Variants in CORIN observed in about 807,000 individuals in gnomAD.
CORIN encodes the protein atrial natriuretic peptide-converting enzyme.
Under a neutral mutation model 125.3 loss-of-function variants are expected in CORIN, and 117 were observed. The ratio of observed to expected loss-of-function variants is 0.93; its 90% confidence interval spans 0.80 to 1.09. The LOEUF (loss-of-function observed/expected upper bound fraction) is 1.09. CORIN is among the 50% of genes least tolerant of loss of function. The pLI is 0.00. For missense variants in CORIN, 1,253 were observed against 1,306.7 expected, an observed-to-expected ratio of 0.96 and a Z score of 0.63; for synonymous variants, 450 against 466.4, an observed-to-expected ratio of 0.96 and a Z score of 0.45.
At chr4:47,642,130 T>G in intron 15 of CORIN, 81 bp from the exon 16 acceptor site, 1 of 1,403,564 alleles carries the variant, frequency 7.1e-7, no homozygotes, top group Non-Finnish European at 9.9e-7. Context: ...TGCCTCTGCT[T>G]CATTGGCATA....
intron 3 of CORIN, among the ~76,000 whole-genome samples, chr4:47,777,742 T>C (rs1368737141): frequency 2.0e-5 from 3 of 152,214 alleles, no homozygotes; most frequent in Admixed American, 1.3e-4. Flanking sequence ...TGCGTCAAAT[T>C]GAAAAGATGT....
intron 5 of CORIN, among the ~76,000 whole-genome samples, chr4:47,707,481 A>G (rs1213497959): frequency 1.3e-5 from 2 of 152,192 alleles, no homozygotes; most frequent in African/African-American, 4.8e-5. Context: ...GTTTAACTTA[A>G]GCCAAAAGTC....
At chr4:47,746,577 C>T (rs551667233) in intron 4 of CORIN, among the ~76,000 whole-genome samples, 28 of 151,790 alleles carry the variant, frequency 1.8e-4, no homozygotes, top group African/African-American at 6.5e-4. Flanking sequence ...GGCTTTGTTG[C>T]CCTGGCTAGA....
intron 1 of CORIN, among the ~76,000 whole-genome samples, chr4:47,834,528 C>T (rs908388844): frequency 2.6e-5 from 4 of 152,164 alleles, no homozygotes; most frequent in Non-Finnish European, 5.9e-5. Context: ...ATCTACTACA[C>T]AGCATGGCTT....
chr4:47,783,847 A>G (rs1334261506), intron 3 of CORIN, among the ~76,000 whole-genome samples: 1 of 152,168 alleles, frequency 6.6e-6, no homozygotes, highest in Non-Finnish European at 1.5e-5. Context: ...CTAATATTTT[A>G]TTACACATTG....
At chr4:47,783,857 G>C (rs1241003884) in intron 3 of CORIN, among the ~76,000 whole-genome samples, 1 of 151,962 alleles carries the variant, frequency 6.6e-6, no homozygotes, top group African/African-American at 2.4e-5. Flanking sequence ...ATTACACATT[G>C]ACTATACAGC....
chr4:47,836,654 G>C lies in CORIN; in HGVS notation c.63+1233C>G, dbSNP rs1033523738. 5.9e-5 allele frequency among the ~76,000 whole-genome samples: 9 copies of C among 152,298 alleles called. No individual in the cohort carries two copies. The South Asian group carries it at 1.0e-3, about 18-fold the overall frequency. On this transcript the variant is annotated intron_variant, in intron 1 of 21. Coordinates refer to ENST00000273857, the MANE Select transcript of CORIN (RefSeq NM_006587.4). ...GAAAGCTCCACTTTATGAATTACTC[G>C]AACAGCTTCCCTGGGAATGCCCAGC...
At chr4:47,634,279 AAACTCAC>A (rs1354874291) in intron 16 of CORIN, among the ~76,000 whole-genome samples, 1 of 152,200 alleles carries the variant, frequency 6.6e-6, no homozygotes, top group African/African-American at 2.4e-5. Context: ...CTACAGCTCT[AAACTCAC>A]AGGCATTCGT....
At chr4:47,637,107 A>G (rs1314275702) in intron 16 of CORIN, among the ~76,000 whole-genome samples, 2 of 152,178 alleles carry the variant, frequency 1.3e-5, no homozygotes, top group Non-Finnish European at 2.9e-5. Context: ...GTTATGTTTT[A>G]CCAAAGAGAG....
intron 4 of CORIN, among the ~76,000 whole-genome samples, chr4:47,763,172 A>G (rs1312945557): frequency 1.3e-5 from 2 of 152,164 alleles, no homozygotes; most frequent in African/African-American, 4.8e-5. Context: ...GATAGCATCA[A>G]TCTAACATTG....
intron 1 of CORIN, among the ~76,000 whole-genome samples, chr4:47,815,145 T>C (rs1732211391): frequency 6.6e-6 from 1 of 152,166 alleles, no homozygotes; most frequent in Admixed American, 6.5e-5. Context: ...CTACGTAACC[T>C]TATAAAGTCA....
rs750331656 is a variant in CORIN at position 47,806,896 on chromosome 4, C to A, written c.208+7G>T. ...CTTCATTTTTATTTAATAATGGCCT[C>A]ACCCACCAACATAGGAAAGCAGGAT... On this transcript the variant is annotated splice_region_variant and intron_variant, in intron 2 of 21. Transcript: ENST00000273857. The A allele has an allele frequency of 2.5e-6, 4 of 1,606,936 alleles. No homozygotes were observed. The highest frequency in any genetic ancestry group is 3.4e-5 in the Admixed American group (2 of 58,324).
At chr4:47,747,992 A>G (rs940747886) in intron 4 of CORIN, among the ~76,000 whole-genome samples, 3 of 152,224 alleles carry the variant, frequency 2.0e-5, no homozygotes, top group African/African-American at 7.2e-5. Flanking sequence ...TAGAGACATT[A>G]AAATACCATT....
rs533455131 is a variant in CORIN, at chr4:47,755,041, C to T, written c.617+8338G>A. On this transcript the variant is annotated intron_variant, in intron 4 of 21. Transcript: ENST00000273857. ...CATCAGTGCCATGGGCCACTGTAAA[C>T]GGACCTGCCTCTCAACCCAGTGAAA... 2.0e-3 allele frequency among the ~76,000 whole-genome samples: 312 copies of T among 152,252 alleles called. 3 individuals are homozygous for T. The highest frequency in any genetic ancestry group is 3.5e-3 in the Non-Finnish European group (235 of 68,014).
chr4:47,766,009 T>C (rs1454421413), intron 3 of CORIN, among the ~76,000 whole-genome samples: 2 of 152,224 alleles, frequency 1.3e-5, no homozygotes, highest in Non-Finnish European at 2.9e-5. Context: ...TTATTCTACT[T>C]TAATCCAGCC....
At chr4:47,747,905 G>A (rs557313009) in intron 4 of CORIN, among the ~76,000 whole-genome samples, 161 of 152,292 alleles carry the variant, frequency 1.1e-3, no homozygotes, top group African/African-American at 3.4e-3. Context: ...TCTCAGAGGA[G>A]CACTGATAAT....
In CORIN at chr4:47,757,622, T is replaced by C. The variant is rs1005884173; in HGVS notation, c.617+5757A>G. Among the ~76,000 whole-genome samples the C allele has an allele frequency of 8.5e-4, 128 of 150,804 alleles. 8 individuals are homozygous for C. Among genetic ancestry groups the C allele is most frequent in the Non-Finnish European group, 1.9e-4 (13 of 67,764 alleles). On this transcript the variant is annotated intron_variant, in intron 4 of 21. Coordinates refer to ENST00000273857, the MANE Select transcript of CORIN (RefSeq NM_006587.4). ...AAAATAATAATAATAAATGCCACAA[T>C]AAAAAATAAAATAAGGCCCCAAAGG...
chr4:47,793,027 C>CTGT (rs892227612), intron 2 of CORIN, among the ~76,000 whole-genome samples: 119 of 149,050 alleles, frequency 8.0e-4, no homozygotes, highest in South Asian at 1.7e-3. Flanking sequence ...TTGTAGAAGC[C>CTGT]TGTTGTTGTT....
At chr4:47,719,654 T>C (rs1340534938) in intron 5 of CORIN, among the ~76,000 whole-genome samples, 1 of 152,216 alleles carries the variant, frequency 6.6e-6, no homozygotes, top group African/African-American at 2.4e-5. Context: ...ACAAGAAGTT[T>C]TTCAGTCTTC....
Sources: allele counts gnomAD v4.1 joint callset (sites outside exome capture counted in the v4.1 genomes callset), GRCh38; gene constraint gnomAD v4.1.1; transcripts MANE v1.5; gene names NCBI Gene and HGNC (gene_info 2026-07-23, HGNC 2026-07-21).